CMIP: variants seen among roughly 807,000 people sequenced by gnomAD.
CMIP encodes the protein C-Maf-inducing protein.
Under a neutral mutation model 97.3 loss-of-function variants are expected in CMIP, and 13 were observed. The observed-to-expected ratio is 0.13, with a 90% CI of 0.09 to 0.21. CMIP has a LOEUF of 0.21. Among genes scored for constraint, CMIP ranks in the 10% least tolerant of loss-of-function variants. CMIP has a pLI of 1.00. For missense variants in CMIP, 847 were observed against 1,024.9 expected, an observed-to-expected ratio of 0.83 and a Z score of 2.37; for synonymous variants, 538 against 436.3, an observed-to-expected ratio of 1.23 and a Z score of -2.91.
chr16:81,536,358 G>A (rs1372857341), intron 1 of CMIP, among the ~76,000 whole-genome samples: 5 of 152,070 alleles, frequency 3.3e-5, no homozygotes, highest in Non-Finnish European at 7.4e-5. Flanking sequence ...ACCCAGTGTG[G>A]CCTGTGTGCT....
At chr16:81,535,252 A>AT (rs1277668154) in intron 1 of CMIP, among the ~76,000 whole-genome samples, 6 of 152,078 alleles carry the variant, frequency 3.9e-5, no homozygotes, top group Admixed American at 2.0e-4. Context: ...GTGGCCCATA[A>AT]TTTTTTTAAA....
At chr16:81,524,483 C>G (rs1458134670) in intron 1 of CMIP, among the ~76,000 whole-genome samples, 1 of 152,254 alleles carries the variant, frequency 6.6e-6, no homozygotes, top group Non-Finnish European at 1.5e-5. Flanking sequence ...ACCTACTAAG[C>G]TCGTGGGGTT....
chr16:81,618,237 C>A (rs2091946950), intron 2 of CMIP, among the ~76,000 whole-genome samples: 1 of 152,232 alleles, frequency 6.6e-6, no homozygotes, highest in Non-Finnish European at 1.5e-5. Flanking sequence ...TATGTTCCTT[C>A]TGGAGGCTCT....
chr16:81,493,630 C>T (rs1041341915), intron 1 of CMIP, among the ~76,000 whole-genome samples: 1 of 152,250 alleles, frequency 6.6e-6, no homozygotes, highest in African/African-American at 2.4e-5. Context: ...GTTAGGTCTG[C>T]TCGTTCCCAC....
intron 3 of CMIP, among the ~76,000 whole-genome samples, chr16:81,624,288 G>T (rs576049142): frequency 6.6e-6 from 1 of 152,186 alleles, no homozygotes; most frequent in African/African-American, 2.4e-5. Context: ...GTATATATGT[G>T]CCATGTTGGT....
chr16:81,573,682 C>A (rs1019570402), intron 1 of CMIP, among the ~76,000 whole-genome samples: 2 of 152,178 alleles, frequency 1.3e-5, no homozygotes, highest in African/African-American at 2.4e-5. Context: ...CCCATAGCAT[C>A]AGGGTGTTGC....
At chr16:81,642,249 C>G (rs1162567133) in intron 3 of CMIP, among the ~76,000 whole-genome samples, 1 of 152,182 alleles carries the variant, frequency 6.6e-6, no homozygotes, top group Non-Finnish European at 1.5e-5. Context: ...CCTGTCTCAC[C>G]CTTCAGCCAG....
chr16:81,484,649 G>A (rs1045813441), intron 1 of CMIP, among the ~76,000 whole-genome samples: 1 of 152,068 alleles, frequency 6.6e-6, no homozygotes, highest in East Asian at 1.9e-4. Context: ...GCACAGACCC[G>A]GCTAGTTTAA....
intron 6 of CMIP, among the ~76,000 whole-genome samples, chr16:81,662,930 T>C (rs2092563307): frequency 6.6e-6 from 1 of 152,184 alleles, no homozygotes. Context: ...TTCCAAGGTC[T>C]TTCAGACCAA....
intron 1 of CMIP, chr16:81,520,599 A>AGAGAGAGAGAGAGAGAGAGG (rs1567556408): frequency 6.6e-6 from 1 of 150,528 alleles, no homozygotes; most frequent in African/African-American, 2.4e-5. Flanking sequence ...AGAGAGAGAG[A>AGAGAGAGAGAGAGAGAGAGG]GAGAAGATAG....
chr16:81,535,417 C>A (rs1214296850), intron 1 of CMIP, among the ~76,000 whole-genome samples: 2 of 151,416 alleles, frequency 1.3e-5, no homozygotes, highest in African/African-American at 4.9e-5. Context: ...CATGATGCTT[C>A]CCTGTGCTTC....
intron 13 of CMIP, chr16:81,696,301 A>G: frequency 1.8e-6 from 1 of 557,904 alleles, no homozygotes; most frequent in Non-Finnish European, 3.2e-6. Context: ...TCAGCCAATC[A>G]AGCCGGGGCC....
intron 16 of CMIP, among the ~76,000 whole-genome samples, chr16:81,702,302 C>T (rs892948028): frequency 6.6e-6 from 1 of 152,110 alleles, no homozygotes; most frequent in Non-Finnish European, 1.5e-5. Context: ...ATGGCTTCTC[C>T]ACCATTTCTT....
intron 1 of CMIP, among the ~76,000 whole-genome samples, chr16:81,560,554 G>C (rs954903548): frequency 1.3e-5 from 2 of 152,178 alleles, no homozygotes; most frequent in Non-Finnish European, 2.9e-5. Context: ...TGTAGCCTAA[G>C]TGTACAGTGT....
At chr16:81,450,869 C>A (rs1435414620) in intron 1 of CMIP, among the ~76,000 whole-genome samples, 4 of 152,218 alleles carry the variant, frequency 2.6e-5, no homozygotes, top group Non-Finnish European at 4.4e-5. Flanking sequence ...CACACAGCCC[C>A]TAGTGGCCCT....
At chr16:81,501,848 G>A (rs1384678872) in intron 1 of CMIP, among the ~76,000 whole-genome samples, 2 of 152,108 alleles carry the variant, frequency 1.3e-5, no homozygotes, top group African/African-American at 2.4e-5. Context: ...CTGACCTCAA[G>A]TGATCCGCCC....
chr16:81,677,028 T>C (rs1265043245), intron 9 of CMIP, among the ~76,000 whole-genome samples: 2 of 152,206 alleles, frequency 1.3e-5, no homozygotes, highest in African/African-American at 2.4e-5. Context: ...AAATTACTCA[T>C]GTCCAGGTCG....
At chr16:81,486,440 G>T (rs907360051) in intron 1 of CMIP, among the ~76,000 whole-genome samples, 16 of 152,230 alleles carry the variant, frequency 1.1e-4, no homozygotes, top group African/African-American at 3.9e-4. Context: ...CACCTCATAC[G>T]TCCTAGGCCC....
chr16:81,458,549 G>A (rs1202824878), intron 1 of CMIP, among the ~76,000 whole-genome samples: 1 of 152,146 alleles, frequency 6.6e-6, no homozygotes, highest in African/African-American at 2.4e-5. Flanking sequence ...ATTCTGGGAA[G>A]CTTTGCTTGA....
Sources: gnomAD v4.1 joint callset for allele counts (sites outside exome capture counted in the v4.1 genomes callset) on GRCh38, gnomAD v4.1.1 for gene constraint, MANE v1.5 for transcripts, NCBI Gene and HGNC (gene_info 2026-07-23, HGNC 2026-07-21) for gene names.